Variants in RANBP17 observed in about 807,000 individuals in gnomAD.
RANBP17 encodes the protein ran-binding protein 17.
In RANBP17, 158 loss-of-function variants were observed where a neutral mutation model predicts 141.2. The observed-to-expected ratio is 1.12, with a 90% confidence interval of 0.98 to 1.28. The LOEUF (loss-of-function observed/expected upper bound fraction) is 1.28. RANBP17 is among the 50% of genes most tolerant of loss of function. The pLI, the probability that RANBP17 is intolerant of heterozygous loss-of-function variation, is 0.00. For synonymous variants in RANBP17, 430 were observed against 450.0 expected (o/e 0.96, Z 0.56); for missense variants, 1,438 against 1,290.7 (o/e 1.11, Z -1.75).
intron 14 of RANBP17, among the ~76,000 whole-genome samples, chr5:171,149,873 G>A (rs752420266): frequency 2.6e-5 from 4 of 152,122 alleles, no homozygotes; most frequent in Non-Finnish European, 5.9e-5. Context: ...TAAAATAACA[G>A]CGATCTCCTC....
At chr5:171,211,628 G>GTTTTTTTTT (rs1226824979) in intron 20 of RANBP17, among the ~76,000 whole-genome samples, 2 of 126,138 alleles carry the variant, frequency 1.6e-5, no homozygotes, top group Non-Finnish European at 3.4e-5. Flanking sequence ...TGAGGGCAGG[G>GTTTTTTTTT]TTTTTTTTTT....
At chr5:171,079,968 A>G (rs1330669798) in intron 14 of RANBP17, among the ~76,000 whole-genome samples, 2 of 152,222 alleles carry the variant, frequency 1.3e-5, no homozygotes, top group Non-Finnish European at 2.9e-5. Flanking sequence ...ACCATATTCA[A>G]ATAGCTAGCT....
At chr5:170,874,269 A>C (rs1437942605) in intron 1 of RANBP17, among the ~76,000 whole-genome samples, 2 of 152,146 alleles carry the variant, frequency 1.3e-5, no homozygotes, top group Non-Finnish European at 2.9e-5. Flanking sequence ...GTCTGATTTT[A>C]GAGTAAGTAC....
At chr5:171,293,173 C>A (rs1768607353) in intron 25 of RANBP17, among the ~76,000 whole-genome samples, 1 of 152,210 alleles carries the variant, frequency 6.6e-6, no homozygotes, top group Admixed American at 6.5e-5. Flanking sequence ...GCCCACTGCA[C>A]TTTGCCCAGC....
chr5:171,115,083 A>C (rs245746), intron 14 of RANBP17, among the ~76,000 whole-genome samples: 90,824 of 151,706 alleles, frequency 0.6, 29,006 homozygotes, highest in South Asian at 0.88. Flanking sequence ...CCTCGGTGAC[A>C]GAGCAAGACC....
chr5:171,105,891 A>G (rs187698317), intron 14 of RANBP17, among the ~76,000 whole-genome samples: 2 of 152,310 alleles, frequency 1.3e-5, no homozygotes, highest in East Asian at 1.9e-4. Flanking sequence ...GATTTATTAT[A>G]CATTCTTACC....
At chr5:171,063,653 C>G (rs146497642) in intron 14 of RANBP17, among the ~76,000 whole-genome samples, 3 of 152,258 alleles carry the variant, frequency 2.0e-5, no homozygotes, top group Non-Finnish European at 4.4e-5. Context: ...GTTCTCAGAT[C>G]TCAAACTGCA....
rs529983885 is a variant in RANBP17, at chr5:170,893,886, T to G, written c.423+1333T>G. On this transcript the variant is annotated intron_variant, in intron 4 of 27. Coordinates refer to ENST00000523189, the MANE Select transcript of RANBP17 (RefSeq NM_022897.5). ...TAGATGGTTCAGTTTTGGTTCATGG[T>G]TGAGTATGGGCAATTTTGACTTTCG... Among the ~76,000 whole-genome samples, 41 of 152,112 alleles carry G rather than the reference T, an allele frequency of 2.7e-4. 1 individual carries two copies. The highest frequency in any genetic ancestry group is 5.9e-4 in the Admixed American group (9 of 15,260).
At chr5:171,272,388 T>C (rs779439930) in intron 25 of RANBP17, among the ~76,000 whole-genome samples, 1 of 152,228 alleles carries the variant, frequency 6.6e-6, no homozygotes, top group African/African-American at 2.4e-5. Flanking sequence ...ATTTTTCAAA[T>C]GTAAGTGCTT....
chr5:171,129,028 T>C (rs1356178641), intron 14 of RANBP17, among the ~76,000 whole-genome samples: 1 of 152,178 alleles, frequency 6.6e-6, no homozygotes, highest in East Asian at 1.9e-4. Flanking sequence ...GTTCCTACTT[T>C]AGTTGTGAAC....
chr5:171,210,749 G>A (rs1390699801), intron 20 of RANBP17, among the ~76,000 whole-genome samples: 2 of 152,120 alleles, frequency 1.3e-5, no homozygotes, highest in Non-Finnish European at 2.9e-5. Flanking sequence ...GCTCATGCTT[G>A]TAATCCCAGC....
At chr5:171,143,352 G>T in intron 14 of RANBP17, 1 of 152,352 alleles carries the variant, frequency 6.6e-6, no homozygotes, top group East Asian at 1.9e-4. Flanking sequence ...TTGCTCCGTG[G>T]TTGGGGCAGG....
intron 14 of RANBP17, among the ~76,000 whole-genome samples, chr5:171,028,006 A>G (rs1231504787): frequency 3.3e-5 from 5 of 152,068 alleles, no homozygotes; most frequent in Non-Finnish European, 7.4e-5. Flanking sequence ...TTTTTTGCTT[A>G]CTGATTTTTT....
intron 14 of RANBP17, among the ~76,000 whole-genome samples, chr5:171,025,954 T>C (rs929904057): frequency 3.3e-5 from 5 of 152,222 alleles, no homozygotes; most frequent in African/African-American, 1.2e-4. Context: ...TGTAATTATT[T>C]GTCTTCCTCA....
In RANBP17 at chr5:170,910,756, TTGC is replaced by T; in HGVS notation, c.595-212_595-210del. On this transcript the variant is annotated intron_variant, in intron 6 of 27. Transcript: ENST00000523189. ...TGTCCTCCAACATTCAGAGTTCTGATTGCCTTTATTAGCTGAATGTGATTCTTT... is the reference window on the plus strand; with the variant it reads ...TGTCCTCCAACATTCAGAGTTCTGATCTTTATTAGCTGAATGTGATTCTTT... The T allele has an allele frequency of 1.8e-5, 9 of 495,536 alleles. 1 individual carries two copies. The South Asian group carries it at 2.3e-4, about 13-fold the overall frequency. The allele number at this position is 495,536 out of a possible 1,614,324, so 30.7% of individuals were successfully genotyped here. A position where few individuals can be genotyped will look rare whatever the true frequency, so the allele number is the denominator to read the frequency against.
At chr5:171,159,118 G>T (rs1302188127) in intron 14 of RANBP17, among the ~76,000 whole-genome samples, 1 of 152,142 alleles carries the variant, frequency 6.6e-6, no homozygotes. Flanking sequence ...TCATTTTGCA[G>T]AAATATGAAA....
intron 12 of RANBP17, among the ~76,000 whole-genome samples, chr5:170,945,267 T>C (rs932369661): frequency 6.6e-6 from 1 of 152,158 alleles, no homozygotes; most frequent in Non-Finnish European, 1.5e-5. Flanking sequence ...ATTCTTATTG[T>C]GTGACTTCAT....
chr5:170,976,401 G>C (rs918358665), intron 14 of RANBP17, among the ~76,000 whole-genome samples: 10 of 152,196 alleles, frequency 6.6e-5, no homozygotes, highest in African/African-American at 2.4e-4. Context: ...TGTTAAGATA[G>C]CAGTGCTCTT....
At chr5:171,282,063 C>T (rs951443726) in intron 25 of RANBP17, among the ~76,000 whole-genome samples, 1 of 152,118 alleles carries the variant, frequency 6.6e-6, no homozygotes, top group Admixed American at 6.5e-5. Context: ...ATTAAAGAAG[C>T]TAAATATGTA....
Sources: allele counts gnomAD v4.1 joint callset (sites outside exome capture counted in the v4.1 genomes callset), GRCh38; gene constraint gnomAD v4.1.1; transcripts MANE v1.5; gene names NCBI Gene and HGNC (gene_info 2026-07-23, HGNC 2026-07-21).